The following GRIA2 variants were observed in gnomAD, a reference collection of about 807,000 sequenced individuals.
The protein encoded by GRIA2 is glutamate ionotropic receptor AMPA type subunit 2, also known as glutamate receptor 2.
GRIA2 carries 14 observed loss-of-function variants against 97.3 expected under a neutral mutation model. The observed-to-expected ratio is 0.14, with a 90% CI of 0.10 to 0.23. GRIA2 has a LOEUF of 0.23. Ranked by LOEUF, GRIA2 falls within the 10% of genes least tolerant of loss-of-function variation. GRIA2 has a pLI of 1.00. For missense variants in GRIA2, 558 were observed against 1,069.8 expected, an observed-to-expected ratio of 0.52 and a Z score of 6.67; for synonymous variants, 412 against 387.8, an observed-to-expected ratio of 1.06 and a Z score of -0.73.
chr4:157,339,704 A>G (rs896548045), intron 11 of GRIA2, among the ~76,000 whole-genome samples: 10 of 151,874 alleles, frequency 6.6e-5, no homozygotes, highest in Non-Finnish European at 7.4e-5. Flanking sequence ...AGCAATTACC[A>G]TGTAATCAGC....
chr4:157,236,601 G>A (rs996828138), intron 2 of GRIA2, among the ~76,000 whole-genome samples: 1 of 152,012 alleles, frequency 6.6e-6, no homozygotes, highest in East Asian at 1.9e-4. Flanking sequence ...AAAAGTGTTT[G>A]CATTTAAAAC....
chr4:157,250,387 G>A (rs1730969073), intron 2 of GRIA2, among the ~76,000 whole-genome samples: 1 of 152,094 alleles, frequency 6.6e-6, no homozygotes, highest in African/African-American at 2.4e-5. Flanking sequence ...GAGGCACAGG[G>A]AGGTTATAAT....
At chr4:157,346,608 A>G (rs1393977725) in intron 12 of GRIA2, among the ~76,000 whole-genome samples, 1 of 152,146 alleles carries the variant, frequency 6.6e-6, no homozygotes, top group Non-Finnish European at 1.5e-5. Flanking sequence ...CCCTTCATAG[A>G]TCTGTCACCA....
At chr4:157,353,497 C>T (rs1430160777) in intron 12 of GRIA2, among the ~76,000 whole-genome samples, 12 of 151,058 alleles carry the variant, frequency 7.9e-5, no homozygotes, top group Admixed American at 7.3e-4. Flanking sequence ...GATGAAACCC[C>T]GTCTCTAATA....
intron 3 of GRIA2, among the ~76,000 whole-genome samples, chr4:157,308,047 A>G (rs1050838288): frequency 6.6e-6 from 1 of 152,246 alleles, no homozygotes; most frequent in Non-Finnish European, 1.5e-5. Flanking sequence ...TTTAAGCAGT[A>G]AGACATGGTT....
At chr4:157,296,712 G>A (rs950338567) in intron 2 of GRIA2, among the ~76,000 whole-genome samples, 11 of 152,116 alleles carry the variant, frequency 7.2e-5, no homozygotes, top group Admixed American at 3.9e-4. Flanking sequence ...TGGGGAGTGT[G>A]CTGATGGAGT....
chr4:157,349,468 CA>C (rs1277744049), intron 12 of GRIA2, among the ~76,000 whole-genome samples: 3 of 143,686 alleles, frequency 2.1e-5, no homozygotes, highest in Non-Finnish European at 3.0e-5. Context: ...TTCCTCCCCC[CA>C]CCCTTCCTTC....
At chr4:157,233,969 A>C (rs530639811) in intron 2 of GRIA2, among the ~76,000 whole-genome samples, 2 of 152,282 alleles carry the variant, frequency 1.3e-5, no homozygotes, top group South Asian at 4.1e-4. Context: ...CAAGTTGGCT[A>C]CTTCCTAAAC....
chr4:157,309,927 C>T (rs964560159), intron 3 of GRIA2, among the ~76,000 whole-genome samples: 1 of 151,832 alleles, frequency 6.6e-6, no homozygotes, highest in Non-Finnish European at 1.5e-5. Context: ...GCACAGAGAC[C>T]CCCATCCATG....
In GRIA2 at chr4:157,228,827, AC is replaced by A. The variant is rs1188326935; in HGVS notation, c.229+7027del. ...AAAAAAAAAGAAGGAAAAAAGAATGACCCCCCCACCTCCCCCCACCAAAAAA... is the reference window on the plus strand; with the variant it reads ...AAAAAAAAAGAAGGAAAAAAGAATGACCCCCCACCTCCCCCCACCAAAAAA... On this transcript the variant is annotated intron_variant, in intron 2 of 15. Coordinates refer to ENST00000264426, the MANE Select transcript of GRIA2 (RefSeq NM_001083619.3). Among the ~76,000 whole-genome samples, 69 of 83,576 alleles carry A rather than the reference AC, an allele frequency of 8.3e-4. 1 individual carries two copies. The highest frequency in any genetic ancestry group is 1.3e-3 in the African/African-American group (29 of 21,568). The allele number at this position is 83,576 out of a possible 152,430, so 54.8% of individuals were successfully genotyped here. A position where few individuals can be genotyped will look rare whatever the true frequency, so the allele number is the denominator to read the frequency against.
rs778929846 is a variant in GRIA2, at chr4:157,361,002, G to A, written c.2292-8G>A. On this transcript the variant is annotated splice_polypyrimidine_tract_variant and splice_region_variant and intron_variant, in intron 13 of 15. Coordinates refer to ENST00000264426, the MANE Select transcript of GRIA2 (RefSeq NM_001083619.3). This position sits in a 1 kb window ranked among gnomAD's most constrained non-coding sequence, Gnocchi z 5.2. ...CCCTGTCTGACAAGTATGTTTTATC[G>A]TTTCAAGAAATGCGGTTAACCTCGC... 1.0e-5 allele frequency: 16 copies of A among 1,586,386 alleles called. No individual in the cohort carries two copies. Among genetic ancestry groups the A allele is most frequent in the Admixed American group, 8.4e-5 (5 of 59,776 alleles).
At chr4:157,317,963 C>A (rs1333213424) in intron 5 of GRIA2, among the ~76,000 whole-genome samples, 1 of 151,994 alleles carries the variant, frequency 6.6e-6, no homozygotes, top group Non-Finnish European at 1.5e-5. Flanking sequence ...TGACAAGAGA[C>A]AAACCCTGTC....
intron 2 of GRIA2, among the ~76,000 whole-genome samples, chr4:157,260,029 G>C (rs1002138094): frequency 3.9e-5 from 6 of 152,048 alleles, no homozygotes; most frequent in Admixed American, 1.3e-4. Flanking sequence ...TGTCATAACA[G>C]AGTTCATTGT....
upstream of GRIA2, chr4:157,220,652 ATGTG>A (rs60010721): frequency 0.77 from 143,422 of 186,338 alleles, 54,426 homozygotes; most frequent in Admixed American, 0.82. Flanking sequence ...GCGTGTGTGT[ATGTG>A]TGTGTGTGTG....
chr4:157,293,803 A>T (rs1239703176), intron 2 of GRIA2, among the ~76,000 whole-genome samples: 1 of 152,124 alleles, frequency 6.6e-6, no homozygotes, highest in Non-Finnish European at 1.5e-5. Flanking sequence ...GGGCAATGTT[A>T]GAGCAATGTG....
Position 157,221,779 on chromosome 4 carries a change from G to T in GRIA2, c.201G>T (p.Val67=), listed in dbSNP as rs556868336. 5.6e-6 allele frequency: 9 copies of T among 1,614,092 alleles called. No individual in the cohort carries two copies. In the African/African-American group the frequency reaches 1.2e-4, roughly 22 times the overall value. The change falls in exon 2 of 16, where the codon GTG becomes GTT. Residue 67 remains valine (V), a synonymous_variant. Transcript: ENST00000264426. ...RLTPHIDNLE[V]ANSFAVTNAF... is the part of the protein sequence containing the mutation. ...CACCCCACATCGACAATTTGGAGGT[G>T]GCAAACAGCTTCGCAGTCACTAATG... is the stretch of plus-strand genomic sequence containing the variant.
chr4:157,328,613 A>G (rs1734912139), intron 6 of GRIA2, among the ~76,000 whole-genome samples: 1 of 152,046 alleles, frequency 6.6e-6, no homozygotes, highest in African/African-American at 2.4e-5. Context: ...CCTATGGCTG[A>G]ATCAAACCAG....
chr4:157,298,332 G>A (rs28488734), intron 2 of GRIA2, among the ~76,000 whole-genome samples: 37,892 of 151,882 alleles, frequency 0.25, 5,483 homozygotes, highest in African/African-American at 0.4. Flanking sequence ...CTTTGTAAAT[G>A]TGCAATGAAA....
rs946515528 is a variant in GRIA2 at position 157,353,213 on chromosome 4, G to A, written c.2044-6683G>A. On this transcript the variant is annotated intron_variant, in intron 12 of 15. Transcript: ENST00000264426. Reference sequence around the variant, plus strand: ...ACTAAAAATACAAAATTAGACCAGCGTGGTGGCGCATGCCTGTAATCCCAG... The same window carrying A: ...ACTAAAAATACAAAATTAGACCAGCATGGTGGCGCATGCCTGTAATCCCAG... 2.6e-5 allele frequency among the ~76,000 whole-genome samples: 4 copies of A among 151,918 alleles called. No individual in the cohort carries two copies. In the East Asian group the frequency reaches 7.7e-4, roughly 29 times the overall value.
Sources: allele counts gnomAD v4.1 joint callset (sites outside exome capture counted in the v4.1 genomes callset), GRCh38; gene constraint gnomAD v4.1.1; non-coding constraint Gnocchi (gnomAD v3.1); transcripts MANE v1.5; gene names NCBI Gene and HGNC (gene_info 2026-07-23, HGNC 2026-07-21).